Variants in GPR137C observed in about 807,000 individuals in gnomAD.
GPR137C encodes the protein G protein-coupled receptor 137C, also known as integral membrane protein GPR137C.
Under a neutral mutation model 43.4 loss-of-function variants are expected in GPR137C, and 27 were observed. That is an observed-to-expected ratio of 0.62 (90% CI 0.46 to 0.86). The LOEUF (loss-of-function observed/expected upper bound fraction) is 0.86. Ranked by LOEUF, GPR137C falls within the 40% of genes least tolerant of loss-of-function variation. GPR137C has a pLI of 0.00. For synonymous variants in GPR137C, 285 were observed against 226.9 expected, an observed-to-expected ratio of 1.26 and a Z score of -2.30; for missense variants, 522 against 534.6, an observed-to-expected ratio of 0.98 and a Z score of 0.23.
intron 1 of GPR137C, among the ~76,000 whole-genome samples, chr14:52,585,868 C>G (rs2038706767): frequency 6.6e-6 from 1 of 152,018 alleles, no homozygotes; most frequent in African/African-American, 2.4e-5. Context: ...AACACAAGAC[C>G]CACAAGTCAG....
intron 1 of GPR137C, among the ~76,000 whole-genome samples, chr14:52,587,094 C>T (rs2038722923): frequency 6.6e-6 from 1 of 152,152 alleles, no homozygotes; most frequent in African/African-American, 2.4e-5. Context: ...CACTATCCCA[C>T]ACACCACCAC....
chr14:52,567,294 C>A (rs1004952597), intron 1 of GPR137C, among the ~76,000 whole-genome samples: 1 of 151,930 alleles, frequency 6.6e-6, no homozygotes, highest in African/African-American at 2.4e-5. Flanking sequence ...CTTTAAATAG[C>A]AGAACATAAT....
intron 1 of GPR137C, among the ~76,000 whole-genome samples, chr14:52,579,263 T>G (rs2038609522): frequency 6.6e-6 from 1 of 152,212 alleles, no homozygotes; most frequent in South Asian, 2.1e-4. Flanking sequence ...GCCTGGCATT[T>G]AACTTTCATG....
At chr14:52,574,759 C>T (rs1470964162) in intron 1 of GPR137C, among the ~76,000 whole-genome samples, 1 of 152,052 alleles carries the variant, frequency 6.6e-6, no homozygotes, top group Non-Finnish European at 1.5e-5. Flanking sequence ...TTCTTTCTTC[C>T]GTGGGATATT....
intron 1 of GPR137C, among the ~76,000 whole-genome samples, chr14:52,571,909 G>A (rs1284040664): frequency 6.6e-6 from 1 of 152,078 alleles, no homozygotes; most frequent in Non-Finnish European, 1.5e-5. Context: ...AAATAATAAA[G>A]GGGATATCAT....
In GPR137C at chr14:52,598,279, G is replaced by A; in HGVS notation, c.452G>A (p.Cys151Tyr). The A allele has an allele frequency of 7.3e-7, 1 of 1,362,256 alleles. No individual in the cohort carries two copies. Among genetic ancestry groups the A allele is most frequent in the South Asian group, 1.4e-5 (1 of 70,760 alleles). The allele number at this position is 1,362,256 out of a possible 1,614,324, so 84.4% of individuals were successfully genotyped here. The change falls in exon 2 of 7, where the codon TGT (cysteine) becomes TAT (tyrosine). Residue 151 changes from cysteine (C) to tyrosine (Y), a missense_variant. Cys to Tyr is a radical substitution (Grantham distance 194). Transcript: ENST00000321662. ...LLNLYLAEVI[C>Y]KVRCATELDR... is the part of the protein sequence containing the mutation. ...TTTATATTCTCTTTATAGGTTATAT[G>A]TAAAGTCAGATGTGCCACTGAACTT... is the stretch of plus-strand genomic sequence containing the variant.
chr14:52,562,667 G>C (rs1049488015), intron 1 of GPR137C, among the ~76,000 whole-genome samples: 5 of 152,034 alleles, frequency 3.3e-5, no homozygotes, highest in Admixed American at 1.3e-4. Flanking sequence ...AACAACATGG[G>C]TAAAGGAAGA....
At position 52,577,183 on chromosome 14, in the gene GPR137C, CAAAAAAAAAAAAAAAAA is replaced by C. The variant is rs34249999; in HGVS notation, c.445-21075_445-21059del. Among the ~76,000 whole-genome samples the C allele has an allele frequency of 1.5e-3, 63 of 41,152 alleles. No homozygotes were observed. In the Admixed American group the frequency reaches 0.021, roughly 14 times the overall value. The allele number at this position is 41,152 out of a possible 152,430, so 27.0% of individuals were successfully genotyped here. A position where few individuals can be genotyped will look rare whatever the true frequency, so the allele number is the denominator to read the frequency against. ...GCCTGGGCGACAGAGTAAGACTCCTCAAAAAAAAAAAAAAAAAAAAAAAAAAAAAAGATACCTGGAAA... is the reference window on the plus strand; with the variant it reads ...GCCTGGGCGACAGAGTAAGACTCCTCAAAAAAAAAAAAAGATACCTGGAAA... On this transcript the variant is annotated intron_variant, in intron 1 of 6. Transcript: ENST00000321662.
intron 3 of GPR137C, among the ~76,000 whole-genome samples, chr14:52,629,269 G>A (rs960756984): frequency 6.6e-6 from 1 of 152,150 alleles, no homozygotes. Flanking sequence ...CCGCTCTTAG[G>A]TAGTTACCCA....
intron 3 of GPR137C, among the ~76,000 whole-genome samples, chr14:52,614,929 T>G (rs1178447500): frequency 2.0e-5 from 3 of 152,236 alleles, no homozygotes; most frequent in Non-Finnish European, 4.4e-5. Context: ...CTTTCTTAAC[T>G]GTTTCCTTTG....
intron 1 of GPR137C, among the ~76,000 whole-genome samples, chr14:52,587,760 A>T (rs1000933164): frequency 7.2e-5 from 11 of 152,266 alleles, no homozygotes; most frequent in Admixed American, 3.9e-4. Context: ...ACAGAGTGAG[A>T]CTCCTTCAAT....
At chr14:52,577,541 C>T (rs1023150945) in intron 1 of GPR137C, among the ~76,000 whole-genome samples, 2 of 150,452 alleles carry the variant, frequency 1.3e-5, no homozygotes, top group East Asian at 2.0e-4. Flanking sequence ...CACACACACA[C>T]GATCAATGAA....
intron 3 of GPR137C, among the ~76,000 whole-genome samples, chr14:52,614,699 C>T (rs1198224627): frequency 6.6e-6 from 1 of 151,994 alleles, no homozygotes; most frequent in Non-Finnish European, 1.5e-5. Flanking sequence ...GTTACCCAGG[C>T]TGGCCTTGAA....
At chr14:52,558,044 G>A (rs1025517001) in intron 1 of GPR137C, among the ~76,000 whole-genome samples, 1 of 150,892 alleles carries the variant, frequency 6.6e-6, no homozygotes, top group Non-Finnish European at 1.5e-5. Context: ...AAATGCTGCA[G>A]AGAGTAGTCA....
chr14:52,615,916 T>TA, intron 3 of GPR137C, among the ~76,000 whole-genome samples: 1 of 152,364 alleles, frequency 6.6e-6, no homozygotes, highest in Admixed American at 6.5e-5. Context: ...TAAATACTAG[T>TA]TATTGTAAAT....
chr14:52,632,195 T>C lies in GPR137C; in HGVS notation c.753T>C (p.Ser251=), dbSNP rs1196440432. 7 of 1,607,434 alleles carry C rather than the reference T, an allele frequency of 4.4e-6. No homozygotes were observed. The highest frequency in any genetic ancestry group is 6.0e-6 in the Non-Finnish European group (7 of 1,174,034). Residue 251 remains serine (S), a synonymous_variant, in exon 4 of 7, where the codon TCT becomes TCC. Transcript: ENST00000321662. ...MSLCQTVVVG[S]VVILLYSSRA... Reference sequence around the variant, plus strand: ...TGTGCCAGACTGTCGTCGTGGGCTCTGTAGTCATTCTTCTGTACTCTTCCA... The same window carrying C: ...TGTGCCAGACTGTCGTCGTGGGCTCCGTAGTCATTCTTCTGTACTCTTCCA...
intron 1 of GPR137C, among the ~76,000 whole-genome samples, chr14:52,563,135 A>T (rs375098845): frequency 4.6e-5 from 7 of 152,152 alleles, no homozygotes; most frequent in African/African-American, 1.4e-4. Context: ...TTGACCCCCC[A>T]TATCTTTCCC....
chr14:52,568,174 C>T (rs751244185), intron 1 of GPR137C, among the ~76,000 whole-genome samples: 11 of 152,102 alleles, frequency 7.2e-5, no homozygotes, highest in Non-Finnish European at 1.5e-4. Flanking sequence ...CAGGGTGGGG[C>T]GTCACCTCAC....
At chr14:52,580,145 A>G (rs2038621595) in intron 1 of GPR137C, among the ~76,000 whole-genome samples, 1 of 152,164 alleles carries the variant, frequency 6.6e-6, no homozygotes, top group East Asian at 1.9e-4. Context: ...AGTCTTTCCT[A>G]TTCTACTCAG....
Sources: gnomAD v4.1 joint callset for allele counts (sites outside exome capture counted in the v4.1 genomes callset) on GRCh38, gnomAD v4.1.1 for gene constraint, MANE v1.5 for transcripts, NCBI Gene and HGNC (gene_info 2026-07-23, HGNC 2026-07-21) for gene names.